The following TMEM117 variants were observed in gnomAD, a reference collection of about 807,000 sequenced individuals.
The protein encoded by TMEM117 is transmembrane protein 117.
A neutral mutation model predicts 52.4 loss-of-function variants in TMEM117; 27 were observed. The observed-to-expected ratio is 0.51, with a 90% confidence interval of 0.38 to 0.71. The LOEUF (loss-of-function observed/expected upper bound fraction) is 0.71. Ranked by LOEUF, TMEM117 falls within the 30% of genes least tolerant of loss-of-function variation. The probability of loss-of-function intolerance (pLI) is 0.00; values close to 1 mark genes in which losing one functional copy is unlikely to be tolerated. For synonymous variants in TMEM117, 215 were observed against 206.3 expected, an observed-to-expected ratio of 1.04 and a Z score of -0.36; for missense variants, 556 against 630.5, an observed-to-expected ratio of 0.88 and a Z score of 1.26.
chr12:44,068,454 T>C (rs949952291), intron 3 of TMEM117, among the ~76,000 whole-genome samples: 4 of 152,190 alleles, frequency 2.6e-5, no homozygotes, highest in African/African-American at 9.7e-5. Flanking sequence ...CTTGAACATT[T>C]GGAGGCCATT....
At chr12:44,005,230 A>G (rs1201540988) in intron 3 of TMEM117, among the ~76,000 whole-genome samples, 1 of 152,230 alleles carries the variant, frequency 6.6e-6, no homozygotes, top group Non-Finnish European at 1.5e-5. Context: ...ATAAGTGAAC[A>G]TTGGCCATTT....
chr12:44,267,183 A>T (rs1458744615), intron 5 of TMEM117, among the ~76,000 whole-genome samples: 1 of 151,844 alleles, frequency 6.6e-6, no homozygotes, highest in East Asian at 1.9e-4. Context: ...GTCTTCTTTA[A>T]TTTTTTCAAC....
At chr12:43,971,658 T>C (rs1945589503) in intron 3 of TMEM117, among the ~76,000 whole-genome samples, 1 of 152,198 alleles carries the variant, frequency 6.6e-6, no homozygotes. Flanking sequence ...TTCTGTGTGT[T>C]CACATGGAAC....
intron 6 of TMEM117, among the ~76,000 whole-genome samples, chr12:44,373,029 T>C (rs1951885731): frequency 6.6e-6 from 1 of 152,262 alleles, no homozygotes; most frequent in South Asian, 2.1e-4. Context: ...TAATAGCAAC[T>C]AGGATGGTTT....
chr12:43,980,913 T>A (rs1197411531), intron 3 of TMEM117, among the ~76,000 whole-genome samples: 3 of 152,192 alleles, frequency 2.0e-5, no homozygotes, highest in Admixed American at 1.3e-4. Flanking sequence ...CATTGTTGAC[T>A]CCCTGAGTAG....
intron 2 of TMEM117, among the ~76,000 whole-genome samples, chr12:43,905,089 G>A (rs1944363454): frequency 2.0e-5 from 3 of 151,860 alleles, no homozygotes. Flanking sequence ...GTTGCGGTGA[G>A]CCAAGATGGT....
At chr12:44,024,416 G>T (rs921940487) in intron 3 of TMEM117, among the ~76,000 whole-genome samples, 4 of 152,144 alleles carry the variant, frequency 2.6e-5, no homozygotes, top group African/African-American at 9.7e-5. Context: ...TCTGTGATGA[G>T]TGGTACAGAG....
At chr12:43,868,546 G>A (rs566664453) in intron 2 of TMEM117, among the ~76,000 whole-genome samples, 7 of 149,346 alleles carry the variant, frequency 4.7e-5, no homozygotes, top group African/African-American at 9.8e-5. Flanking sequence ...GTGAGACACC[G>A]TCTCAAAATA....
intron 3 of TMEM117, among the ~76,000 whole-genome samples, chr12:44,125,308 C>T (rs532853110): frequency 6.6e-6 from 1 of 152,160 alleles, no homozygotes; most frequent in East Asian, 1.9e-4. Flanking sequence ...GGGGTTTCAC[C>T]GTGTTAGCCA....
chr12:43,912,255 C>G (rs1431037557), intron 2 of TMEM117, among the ~76,000 whole-genome samples: 3 of 140,888 alleles, frequency 2.1e-5, no homozygotes, highest in African/African-American at 7.6e-5. Context: ...AAACAAAAAA[C>G]CAAACACTGC....
At chr12:43,913,601 C>G (rs4363674) in intron 2 of TMEM117, among the ~76,000 whole-genome samples, 108,973 of 151,970 alleles carry the variant, frequency 0.72, 42,172 homozygotes, top group East Asian at 0.87. Context: ...AACTGGCATT[C>G]TATTTAAATC....
chr12:43,936,225 C>T (rs1486179782), intron 2 of TMEM117, among the ~76,000 whole-genome samples: 2 of 151,796 alleles, frequency 1.3e-5, no homozygotes, highest in Non-Finnish European at 2.9e-5. Flanking sequence ...TATCAAAAGA[C>T]AGTGAGAACC....
chr12:43,868,156 TTCTGTCTCTCCCCCTCTC>T (rs1427511671), intron 2 of TMEM117, among the ~76,000 whole-genome samples: 3 of 151,228 alleles, frequency 2.0e-5, no homozygotes, highest in Admixed American at 2.0e-4. Flanking sequence ...CTCTCTCTCT[TTCTGTCTCTCCCCCTCTC>T]TCTGTCTCTC....
chr12:44,151,199 C>T (rs183445295), intron 4 of TMEM117, among the ~76,000 whole-genome samples: 100 of 152,060 alleles, frequency 6.6e-4, no homozygotes, highest in Admixed American at 2.8e-3. Flanking sequence ...TCTTTTTCAT[C>T]CCCAACTTAG....
chr12:44,024,423 A>G (rs931940809), intron 3 of TMEM117, among the ~76,000 whole-genome samples: 1 of 152,220 alleles, frequency 6.6e-6, no homozygotes, highest in Non-Finnish European at 1.5e-5. Flanking sequence ...TGAGTGGTAC[A>G]GAGAGCATGG....
intron 2 of TMEM117, among the ~76,000 whole-genome samples, chr12:43,897,021 TG>T (rs1338336252): frequency 2.6e-5 from 4 of 152,220 alleles, no homozygotes; most frequent in African/African-American, 9.6e-5. Flanking sequence ...CTGAGTCAAG[TG>T]CCTATAAGAC....
At chr12:43,822,590 C>T in the TMEM117 span, among the ~76,000 whole-genome samples, 1 of 151,114 alleles carries the variant, frequency 6.6e-6, no homozygotes, top group Admixed American at 6.6e-5. Flanking sequence ...GACACTTATT[C>T]CTCAGTTTCT....
chr12:43,817,657 G>T, the TMEM117 span, among the ~76,000 whole-genome samples: 1 of 152,220 alleles, frequency 6.6e-6, no homozygotes. Flanking sequence ...TATGAACACA[G>T]TCATCCTAGA....
At chr12:44,017,877 T>A (rs1256398005) in intron 3 of TMEM117, among the ~76,000 whole-genome samples, 1 of 152,116 alleles carries the variant, frequency 6.6e-6, no homozygotes, top group Non-Finnish European at 1.5e-5. Flanking sequence ...AATGCATCAT[T>A]TTTAAATAGA....
Sources: gnomAD v4.1 joint callset for allele counts (sites outside exome capture counted in the v4.1 genomes callset) on GRCh38, gnomAD v4.1.1 for gene constraint, MANE v1.5 for transcripts, NCBI Gene and HGNC (gene_info 2026-07-23, HGNC 2026-07-21) for gene names.